The following COL14A1 variants were observed in gnomAD, a reference collection of about 807,000 sequenced individuals.
The protein encoded by COL14A1 is collagen alpha-1(XIV) chain.
COL14A1 carries 136 observed loss-of-function variants against 230.3 expected under a neutral mutation model. The ratio of observed to expected loss-of-function variants is 0.59; its 90% CI spans 0.51 to 0.68. COL14A1 has a LOEUF of 0.68. Among genes scored for constraint, COL14A1 ranks in the 30% least tolerant of loss-of-function variants. The probability of loss-of-function intolerance (pLI) is 0.00; values close to 1 mark genes in which losing one functional copy is unlikely to be tolerated. For synonymous variants in COL14A1, 792 were observed against 784.1 expected, an observed-to-expected ratio of 1.01 and a Z score of -0.17; for missense variants, 1,976 against 2,215.8, an observed-to-expected ratio of 0.89 and a Z score of 2.17.
At chr8:120,197,957 A>G in intron 7 of COL14A1, 27 bp downstream of exon 7, 1 of 1,608,154 alleles carries the variant, frequency 6.2e-7, no homozygotes, top group South Asian at 1.1e-5. Flanking sequence ...CCATGTTATA[A>G]CAACATATCT....
At chr8:120,175,451 G>T (rs923798390) in intron 5 of COL14A1, among the ~76,000 whole-genome samples, 2 of 151,896 alleles carry the variant, frequency 1.3e-5, no homozygotes, top group African/African-American at 4.8e-5. Flanking sequence ...TGTTTTTAAT[G>T]GATTTTTTAA....
chr8:120,338,798 T>C (rs1822176844), intron 42 of COL14A1, among the ~76,000 whole-genome samples: 1 of 152,208 alleles, frequency 6.6e-6, no homozygotes, highest in Non-Finnish European at 1.5e-5. Context: ...CTGATTTTTT[T>C]GTTTTGCCTC....
chr8:120,227,380 T>C, intron 17 of COL14A1, 28 bp downstream of exon 17: 1 of 1,612,208 alleles, frequency 6.2e-7, no homozygotes, highest in Non-Finnish European at 8.5e-7. Context: ...CACAGTGCGT[T>C]TTAGCTGCTC....
chr8:120,156,724 C>A (rs1815494058), intron 2 of COL14A1, among the ~76,000 whole-genome samples: 1 of 152,132 alleles, frequency 6.6e-6, no homozygotes, highest in Non-Finnish European at 1.5e-5. Context: ...TCATGATATC[C>A]ATTATCCTAT....
At chr8:120,133,087 G>A (rs1312240978) in intron 1 of COL14A1, among the ~76,000 whole-genome samples, 3 of 151,970 alleles carry the variant, frequency 2.0e-5, no homozygotes, top group Non-Finnish European at 2.9e-5. Flanking sequence ...ATGGTGGCGC[G>A]TGCCTGTAGT....
intron 9 of COL14A1, among the ~76,000 whole-genome samples, chr8:120,206,678 A>AATTCT (rs1300788289): frequency 6.6e-6 from 1 of 152,190 alleles, no homozygotes; most frequent in Non-Finnish European, 1.5e-5. Flanking sequence ...ATTTATTAAC[A>AATTCT]ATGACCTTAA....
At chr8:120,253,624 A>G (rs1819045793) in intron 22 of COL14A1, among the ~76,000 whole-genome samples, 1 of 152,210 alleles carries the variant, frequency 6.6e-6, no homozygotes. Context: ...TAACATTGAT[A>G]AAAGTTATAT....
At position 120,348,102 on chromosome 8, in the gene COL14A1, G is replaced by A. The variant is rs930091891; in HGVS notation, c.5077+2539G>A. Among the ~76,000 whole-genome samples the A allele has an allele frequency of 4.6e-5, 7 of 151,504 alleles. No homozygotes were observed. In the East Asian group the frequency reaches 5.8e-4, roughly 13 times the overall value. On this transcript the variant is annotated intron_variant, in intron 45 of 47. Coordinates refer to ENST00000297848, the MANE Select transcript of COL14A1 (RefSeq NM_021110.4). ...ATGCATGTTTATAGCAGCACAATTC[G>A]CAAGTGCAAAAACGTGGAACCAACC...
At chr8:120,300,069 G>T (rs1184269105) in intron 35 of COL14A1, among the ~76,000 whole-genome samples, 1 of 151,996 alleles carries the variant, frequency 6.6e-6, no homozygotes, top group Non-Finnish European at 1.5e-5. Flanking sequence ...CTGCATTCCA[G>T]TAACTCATTC....
chr8:120,279,158 G>A (rs1293759050), intron 28 of COL14A1, among the ~76,000 whole-genome samples: 1 of 151,564 alleles, frequency 6.6e-6, no homozygotes, highest in Non-Finnish European at 1.5e-5. Flanking sequence ...CGGGGGTGGG[G>A]GGCAAGGGAG....
At chr8:120,303,365 G>A (rs567335821) in intron 36 of COL14A1, among the ~76,000 whole-genome samples, 1 of 152,172 alleles carries the variant, frequency 6.6e-6, no homozygotes, top group South Asian at 2.1e-4. Flanking sequence ...GTATGATGTT[G>A]GCTGCAGGTT....
intron 5 of COL14A1, among the ~76,000 whole-genome samples, chr8:120,195,476 G>A (rs755973308): frequency 1.1e-4 from 16 of 152,202 alleles, no homozygotes; most frequent in East Asian, 1.9e-4. Flanking sequence ...ACCAGAGTTC[G>A]AAGCAATGTT....
intron 22 of COL14A1, among the ~76,000 whole-genome samples, chr8:120,252,670 G>A (rs562963715): frequency 6.6e-6 from 1 of 152,308 alleles, no homozygotes; most frequent in African/African-American, 2.4e-5. Context: ...GAGGATTACA[G>A]AGAAAAAATG....
chr8:120,364,445 G>T (rs1053213817), intron 45 of COL14A1, among the ~76,000 whole-genome samples: 1 of 152,082 alleles, frequency 6.6e-6, no homozygotes, highest in African/African-American at 2.4e-5. Flanking sequence ...TTTTAACAAG[G>T]TTGCTTCACT....
chr8:120,216,781 C>T (rs2130778941), intron 14 of COL14A1, among the ~76,000 whole-genome samples: 1 of 152,246 alleles, frequency 6.6e-6, no homozygotes, highest in South Asian at 2.1e-4. Context: ...CAGCTGGGAG[C>T]TGTAGCAGGT....
intron 23 of COL14A1, among the ~76,000 whole-genome samples, chr8:120,258,071 A>C (rs1293518592): frequency 6.6e-6 from 1 of 152,222 alleles, no homozygotes; most frequent in Non-Finnish European, 1.5e-5. Flanking sequence ...TGTATCATTC[A>C]GGCTTGTTTA....
At chr8:120,318,974 C>G (rs1175566515) in intron 40 of COL14A1, among the ~76,000 whole-genome samples, 2 of 152,078 alleles carry the variant, frequency 1.3e-5, no homozygotes, top group Non-Finnish European at 2.9e-5. Flanking sequence ...TGAGTAAAGC[C>G]TACTCTAGGG....
At chr8:120,156,629 T>G (rs779845257) in intron 2 of COL14A1, among the ~76,000 whole-genome samples, 1 of 152,232 alleles carries the variant, frequency 6.6e-6, no homozygotes. Context: ...TTTCGAAGAT[T>G]AAGTGAGCTT....
chr8:120,313,855 G>A lies in COL14A1; in HGVS notation c.4456-77G>A, dbSNP rs1045748292. On this transcript the variant is annotated intron_variant, in intron 37 of 47. Coordinates refer to ENST00000297848, the MANE Select transcript of COL14A1 (RefSeq NM_021110.4). ...CTATATAAGAAAACAAATTATAATT[G>A]TCCTAAGCAGAAATATTTTCTAGAT... The A allele has an allele frequency of 7.9e-6, 7 of 883,778 alleles. No individual in the cohort carries two copies. In the African/African-American group the frequency reaches 9.0e-5, roughly 11 times the overall value. The allele number at this position is 883,778 out of a possible 1,614,324, so 54.7% of individuals were successfully genotyped here. A position where few individuals can be genotyped will look rare whatever the true frequency, so the allele number is the denominator to read the frequency against.
Sources: gnomAD v4.1 joint callset for allele counts (sites outside exome capture counted in the v4.1 genomes callset) on GRCh38, gnomAD v4.1.1 for gene constraint, MANE v1.5 for transcripts, NCBI Gene and HGNC (gene_info 2026-07-23, HGNC 2026-07-21) for gene names.